The following PPP2R2B variants were observed in gnomAD, a reference collection of about 807,000 sequenced individuals.
PPP2R2B encodes protein phosphatase 2 regulatory subunit Bbeta.
PPP2R2B carries 5 observed loss-of-function variants against 46.0 expected under a neutral mutation model. The ratio of observed to expected loss-of-function variants is 0.11; its 90% CI spans 0.06 to 0.23. The LOEUF (loss-of-function observed/expected upper bound fraction) is 0.23, where lower values mean the gene tolerates loss of function less well. Ranked by LOEUF, PPP2R2B falls within the 10% of genes least tolerant of loss-of-function variation. The probability of loss-of-function intolerance (pLI) is 1.00; values close to 1 mark genes in which losing one functional copy is unlikely to be tolerated. For synonymous variants in PPP2R2B, 215 were observed against 206.7 expected (o/e 1.04, Z -0.34); for missense variants, 367 against 575.0 (o/e 0.64, Z 3.70).
intron 1 of PPP2R2B, among the ~76,000 whole-genome samples, chr5:146,905,419 A>G (rs1427920773): frequency 2.0e-5 from 3 of 152,148 alleles, no homozygotes; most frequent in African/African-American, 2.4e-5. Context: ...TTAAATTTTT[A>G]TAATAGAGAT....
upstream of PPP2R2B, among the ~76,000 whole-genome samples, chr5:146,879,676 T>C (rs1199724023): frequency 1.3e-5 from 2 of 152,128 alleles, no homozygotes; most frequent in Non-Finnish European, 2.9e-5. Context: ...CCCACCCATG[T>C]TTTCCCAAAT....
chr5:146,794,319 T>C (rs900248968), intron 2 of PPP2R2B, among the ~76,000 whole-genome samples: 5 of 152,214 alleles, frequency 3.3e-5, no homozygotes, highest in Non-Finnish European at 7.3e-5. Context: ...ACCTTGAACT[T>C]TGCAGAGCAA....
At chr5:146,905,473 G>A (rs1461784586) in intron 1 of PPP2R2B, among the ~76,000 whole-genome samples, 1 of 152,040 alleles carries the variant, frequency 6.6e-6, no homozygotes. Context: ...TGAACTCCAG[G>A]CCTCCAGTGA....
intron 7 of PPP2R2B, 81 bp downstream of exon 7, chr5:146,638,170 G>A: frequency 7.0e-7 from 1 of 1,434,336 alleles, no homozygotes; most frequent in Non-Finnish European, 9.5e-7. Flanking sequence ...TGTAGAAAGG[G>A]AGATCATAAG....
At chr5:146,959,209 A>G (rs1752062274) in intron 1 of PPP2R2B, among the ~76,000 whole-genome samples, 1 of 152,204 alleles carries the variant, frequency 6.6e-6, no homozygotes, top group African/African-American at 2.4e-5. Flanking sequence ...ATAGAATTTT[A>G]TAGTAAATAA....
chr5:146,704,464 C>A (rs1779715764), intron 2 of PPP2R2B, among the ~76,000 whole-genome samples: 1 of 152,200 alleles, frequency 6.6e-6, no homozygotes, highest in East Asian at 1.9e-4. Context: ...AACTGCTCAG[C>A]CTAATCATGC....
chr5:146,976,939 T>C (rs951060563), intron 1 of PPP2R2B, among the ~76,000 whole-genome samples: 1 of 152,206 alleles, frequency 6.6e-6, no homozygotes, highest in African/African-American at 2.4e-5. Context: ...TGACGTTTTA[T>C]AGTATTTGGA....
upstream of PPP2R2B, among the ~76,000 whole-genome samples, chr5:146,882,767 A>G (rs1762207001): frequency 6.6e-6 from 1 of 152,186 alleles, no homozygotes; most frequent in African/African-American, 2.4e-5. Flanking sequence ...TTAGTGTCTA[A>G]TTTACAGTTT....
chr5:146,716,229 C>T (rs989717578), intron 2 of PPP2R2B, among the ~76,000 whole-genome samples: 1 of 152,200 alleles, frequency 6.6e-6, no homozygotes, highest in South Asian at 2.1e-4. Context: ...TTCCATGAAG[C>T]TTTTCTAAGC....
At chr5:146,725,626 A>T (rs1170904357) in intron 2 of PPP2R2B, among the ~76,000 whole-genome samples, 1 of 152,244 alleles carries the variant, frequency 6.6e-6, no homozygotes. Context: ...TATATCATAT[A>T]GAACAAAGAA....
chr5:146,697,822 CTGTG>C (rs1779270089), intron 4 of PPP2R2B, among the ~76,000 whole-genome samples, 153 bp downstream of exon 4: 1 of 152,178 alleles, frequency 6.6e-6, no homozygotes, highest in African/African-American at 2.4e-5. Flanking sequence ...AGGGCCGAAT[CTGTG>C]TGTGCCAGGC....
chr5:146,754,949 T>C (rs1005039268), intron 2 of PPP2R2B, among the ~76,000 whole-genome samples: 15 of 152,172 alleles, frequency 9.9e-5, no homozygotes, highest in Non-Finnish European at 2.2e-4. Flanking sequence ...CAGAGCTTAG[T>C]GCCCTTGGAT....
intron 2 of PPP2R2B, among the ~76,000 whole-genome samples, chr5:146,809,585 T>C (rs191764291): frequency 6.6e-6 from 1 of 152,250 alleles, no homozygotes; most frequent in Non-Finnish European, 1.5e-5. Context: ...ACGTATCAGC[T>C]AAAACTGGAA....
At chr5:146,917,508 A>G (rs1194490894) in intron 1 of PPP2R2B, among the ~76,000 whole-genome samples, 2 of 152,238 alleles carry the variant, frequency 1.3e-5, no homozygotes, top group East Asian at 1.9e-4. Flanking sequence ...TAAGAAATCC[A>G]TTTTATAAAT....
rs1757703614 is a variant in PPP2R2B at position 147,074,572 on chromosome 5, A to G, written c.50+6487T>C. 2.0e-5 allele frequency among the ~76,000 whole-genome samples: 3 copies of G among 152,334 alleles called. No homozygotes were observed. In the South Asian group the frequency reaches 6.2e-4, roughly 32 times the overall value. On this transcript the variant is annotated intron_variant, in intron 2 of 10. Transcript: ENST00000394413. ...ACAAGTCTTTTTACTGCTTTGAGAC[A>G]ACCCAGTTGGTTTTTATTTATTTAT...
At chr5:146,970,809 C>T (rs1752631016) in intron 1 of PPP2R2B, among the ~76,000 whole-genome samples, 1 of 151,964 alleles carries the variant, frequency 6.6e-6, no homozygotes, top group Admixed American at 6.6e-5. Context: ...AACTTACAGT[C>T]ACAATGAATT....
Position 146,681,542 on chromosome 5 carries a change from A to G in PPP2R2B, c.447+9586T>C, listed in dbSNP as rs140875221. 8.5e-3 allele frequency among the ~76,000 whole-genome samples: 1,292 copies of G among 152,356 alleles called. 7 individuals are homozygous for G. Among genetic ancestry groups the G allele is most frequent in the Non-Finnish European group, 0.014 (953 of 68,032 alleles). On this transcript the variant is annotated intron_variant, in intron 5 of 9. Coordinates refer to ENST00000394411, the MANE Select transcript of PPP2R2B (RefSeq NM_181675.4). ...TAATTCAGATAATTTCATCTGAAAA[A>G]TTCAGAAAATAAAAGTATTCTCTCC...
At chr5:146,731,320 G>T (rs996869689) in intron 2 of PPP2R2B, among the ~76,000 whole-genome samples, 2 of 152,208 alleles carry the variant, frequency 1.3e-5, no homozygotes, top group African/African-American at 2.4e-5. Context: ...CCTGATGTTT[G>T]CTGCAGCCTC....
intron 2 of PPP2R2B, among the ~76,000 whole-genome samples, chr5:146,816,216 C>T (rs1378864444): frequency 6.6e-6 from 1 of 152,028 alleles, no homozygotes; most frequent in Non-Finnish European, 1.5e-5. Context: ...CCAGCCTGGG[C>T]AACAAAGCGA....
Sources: allele counts gnomAD v4.1 joint callset (sites outside exome capture counted in the v4.1 genomes callset), GRCh38; gene constraint gnomAD v4.1.1; transcripts MANE v1.5; gene names NCBI Gene and HGNC (gene_info 2026-07-23, HGNC 2026-07-21).